COL4A1: variants seen among roughly 807,000 people sequenced by gnomAD.
The protein encoded by COL4A1 is collagen type IV alpha 1 chain.
COL4A1 carries 40 observed loss-of-function variants against 216.6 expected under a neutral mutation model. The ratio of observed to expected loss-of-function variants is 0.18; its 90% confidence interval spans 0.14 to 0.24. The LOEUF (loss-of-function observed/expected upper bound fraction) is 0.24. Ranked by LOEUF, COL4A1 falls within the 10% of genes least tolerant of loss-of-function variation. The pLI is 1.00. For missense variants in COL4A1, 1,628 were observed against 2,196.8 expected (o/e 0.74, Z 5.18); for synonymous variants, 839 against 810.7 (o/e 1.03, Z -0.59).
chr13:110,188,809 T>G (rs1183309525), intron 24 of COL4A1, among the ~76,000 whole-genome samples: 2 of 152,290 alleles, frequency 1.3e-5, no homozygotes, highest in East Asian at 3.9e-4. Flanking sequence ...AATTGCTTCC[T>G]AACAGCTGAA....
At chr13:110,201,720 A>C in intron 18 of COL4A1, 198 bp from the exon 19 acceptor site, 1 of 723,812 alleles carries the variant, frequency 1.4e-6, no homozygotes, top group Non-Finnish European at 2.5e-6. Context: ...GCGGTGGCTC[A>C]CGCCTGTAAT....
intron 1 of COL4A1, chr13:110,265,395 T>C (rs956539016): frequency 5.3e-5 from 8 of 152,206 alleles, no homozygotes; most frequent in African/African-American, 1.9e-4. Context: ...TCTCACACAG[T>C]GTTGAGCCTG....
intron 2 of COL4A1, among the ~76,000 whole-genome samples, chr13:110,219,965 T>TAC (rs904530409): frequency 1.2e-4 from 4 of 33,540 alleles, no homozygotes; most frequent in African/African-American, 3.4e-4. Flanking sequence ...TACATACATA[T>TAC]ACATATATAT....
intron 1 of COL4A1, among the ~76,000 whole-genome samples, chr13:110,278,546 T>C (rs1488025812): frequency 6.6e-6 from 1 of 152,202 alleles, no homozygotes; most frequent in African/African-American, 2.4e-5. Context: ...AATCATTATA[T>C]ATATATACAC....
chr13:110,230,403 C>T (rs1035827038), intron 2 of COL4A1, among the ~76,000 whole-genome samples: 2 of 152,112 alleles, frequency 1.3e-5, no homozygotes, highest in African/African-American at 4.8e-5. Flanking sequence ...GTCATCAGGG[C>T]TCGTCGTGAC....
At position 110,307,153 on chromosome 13, in the gene COL4A1, G is replaced by A. The variant is rs1302004521; in HGVS notation, c.-126C>T. On this transcript the variant is annotated 5_prime_UTR_variant, in exon 1 of 52. Coordinates refer to ENST00000375820, the MANE Select transcript of COL4A1 (RefSeq NM_001845.6). This position sits in a 1 kb window ranked among gnomAD's most constrained non-coding sequence, Gnocchi z 5.0. ...CCCGGGTGCGGCGGCTCCAAGCGGA[G>A]ACCTGAGCGCGGCGGGCCGAGCTCC... 10 of 734,604 alleles carry A rather than the reference G, an allele frequency of 1.4e-5. No individual in the cohort carries two copies. Among genetic ancestry groups the A allele is most frequent in the Admixed American group, 4.3e-5 (1 of 23,284 alleles). 45.5% of individuals were successfully genotyped at this position (734,604 alleles called of 1,614,324 possible). A position where few individuals can be genotyped will look rare whatever the true frequency, so the allele number is the denominator to read the frequency against.
intron 2 of COL4A1, among the ~76,000 whole-genome samples, chr13:110,234,561 GA>G (rs1171866231): frequency 6.6e-6 from 1 of 151,980 alleles, no homozygotes; most frequent in Non-Finnish European, 1.5e-5. Flanking sequence ...CAGCCTGAGT[GA>G]CAGAGTGAGA....
intron 1 of COL4A1, among the ~76,000 whole-genome samples, chr13:110,243,334 T>C (rs910279403): frequency 6.6e-5 from 10 of 152,134 alleles, no homozygotes; most frequent in Non-Finnish European, 1.5e-4. Context: ...TTTTTTTTTT[T>C]AAGACAAAGT....
chr13:110,174,143 C>T, intron 39 of COL4A1, 145 bp from the exon 40 acceptor site: 2 of 952,624 alleles, frequency 2.1e-6, no homozygotes, highest in Non-Finnish European at 3.3e-6. Context: ...TTCTGACTTC[C>T]CTTCAGAAAG....
Position 110,150,313 on chromosome 13 carries a change from A to G in COL4A1, c.*50T>C, listed in dbSNP as rs759877577. On this transcript the variant is annotated 3_prime_UTR_variant, in exon 52 of 52. Coordinates refer to ENST00000375820, the MANE Select transcript of COL4A1 (RefSeq NM_001845.6). ...TTCTAGGGTTCGTTGCTGTTAACAA[A>G]AAGAAGAAGAAGTAGCACCATGTTG... is the stretch of plus-strand genomic sequence containing the variant. 2 of 1,554,378 alleles carry G rather than the reference A, an allele frequency of 1.3e-6. No homozygotes were observed. Among genetic ancestry groups the G allele is most frequent in the South Asian group, 1.1e-5 (1 of 87,618 alleles).
chr13:110,174,090 G>C (rs1273122917), intron 39 of COL4A1, 92 bp from the exon 40 acceptor site: 1 of 1,386,424 alleles, frequency 7.2e-7, no homozygotes, highest in African/African-American at 1.4e-5. Flanking sequence ...ATCCTTTAAG[G>C]GAGCTGTTCC....
In COL4A1 at chr13:110,206,696, T is replaced by C; in HGVS notation, c.827A>G (p.Glu276Gly). 2 of 1,614,222 alleles carry C rather than the reference T, an allele frequency of 1.2e-6. No homozygotes were observed. Among genetic ancestry groups the C allele is most frequent in the South Asian group, 1.1e-5 (1 of 91,082 alleles). ...PGFQGMPGVG[E>G]KGEPGKPGPR... is the part of the protein sequence containing the mutation. ...TCCTGGTTTTCCGGGTTCACCTTTC[T>C]CTCCGACCCCTGGCATCCCCTTAAA... is the stretch of plus-strand genomic sequence containing the variant. The change falls in exon 15 of 52, where the codon GAG (glutamate) becomes GGG (glycine). Residue 276 changes from glutamate to glycine, a missense_variant. Physicochemically the swap from Glu to Gly is moderately conservative, Grantham distance 98. This residue lies in a region of COL4A1 where 701 missense variants were observed against 892.5 expected (regional missense o/e 0.79). Coordinates refer to ENST00000375820, the MANE Select transcript of COL4A1 (RefSeq NM_001845.6).
chr13:110,302,929 A>C (rs892156214), intron 1 of COL4A1, among the ~76,000 whole-genome samples: 2 of 152,234 alleles, frequency 1.3e-5, no homozygotes, highest in Non-Finnish European at 2.9e-5. Context: ...TAATGAGGTT[A>C]ATCCTTCTTC....
chr13:110,219,294 G>A (rs748987213), intron 2 of COL4A1, among the ~76,000 whole-genome samples: 1 of 152,220 alleles, frequency 6.6e-6, no homozygotes, highest in African/African-American at 2.4e-5. Context: ...CTCTTAAAAG[G>A]ATGTATATGT....
chr13:110,249,578 G>T (rs958812738), intron 1 of COL4A1, among the ~76,000 whole-genome samples: 1 of 152,118 alleles, frequency 6.6e-6, no homozygotes, highest in African/African-American at 2.4e-5. Context: ...TTGGATCCTG[G>T]TTACTCGTGA....
In COL4A1 at chr13:110,207,405, T is replaced by C; in HGVS notation, c.778A>G (p.Lys260Glu). The stretch of plus-strand genomic sequence containing the variant: ...TCACTGATGAAGCCCACTCATACCT[T>C]TTCTCCCTTGGTGGCGAAGTCTCCT... ...EKGDFATKGE[K>E]GQKGEPGFQG... Residue 260 changes from lysine to glutamate, a missense_variant and splice_region_variant, in exon 13 of 52, where the codon AAG becomes GAG. This residue lies in a region of COL4A1 where 23 missense variants were observed against 66.0 expected (regional missense o/e 0.35). Transcript: ENST00000375820. The surrounding 1 kb of genome is among the most constrained non-coding windows in gnomAD (Gnocchi z 4.4). The C allele has an allele frequency of 6.2e-7, 1 of 1,613,490 alleles. No homozygotes were observed. The highest frequency in any genetic ancestry group is 8.5e-7 in the Non-Finnish European group (1 of 1,179,430).
chr13:110,276,421 C>T (rs1883433463), intron 1 of COL4A1, among the ~76,000 whole-genome samples: 1 of 152,134 alleles, frequency 6.6e-6, no homozygotes. Context: ...CTGGGGAATG[C>T]GTCCTGGCCT....
intron 1 of COL4A1, among the ~76,000 whole-genome samples, chr13:110,247,709 T>C (rs1003633110): frequency 1.3e-5 from 2 of 151,434 alleles, no homozygotes; most frequent in South Asian, 4.2e-4. Flanking sequence ...TTCCAGAGGA[T>C]GCAAAAAGAG....
intron 2 of COL4A1, among the ~76,000 whole-genome samples, chr13:110,241,299 GCTGTCC>G (rs1162562891): frequency 6.6e-6 from 1 of 152,228 alleles, no homozygotes; most frequent in Non-Finnish European, 1.5e-5. Flanking sequence ...CATCAACCCT[GCTGTCC>G]CTAGGAGGGA....
Sources: gnomAD v4.1 joint callset for allele counts (sites outside exome capture counted in the v4.1 genomes callset) on GRCh38, gnomAD v4.1.1 for gene constraint, gnomAD v4.1.1 regional missense constraint, Gnocchi (gnomAD v3.1) non-coding constraint, MANE v1.5 for transcripts, NCBI Gene and HGNC (gene_info 2026-07-23, HGNC 2026-07-21) for gene names.